Variants in RAG1 observed in about 807,000 individuals in gnomAD.
RAG1 encodes the protein V(D)J recombination-activating protein 1.
RAG1 carries 35 observed loss-of-function variants against 62.7 expected under a neutral mutation model. The ratio of observed to expected loss-of-function variants is 0.56; its 90% CI spans 0.43 to 0.74. The LOEUF is 0.74. RAG1 is among the 30% of genes least tolerant of loss of function. RAG1 has a pLI of 0.00. For synonymous variants in RAG1, 461 were observed against 470.3 expected (o/e 0.98, Z 0.26); for missense variants, 1,169 against 1,278.6 (o/e 0.91, Z 1.31).
chr11:36,519,808 G>A (rs147744462), intron 1 of RAG1, among the ~76,000 whole-genome samples: 268 of 151,788 alleles, frequency 1.8e-3, no homozygotes, highest in Non-Finnish European at 3.3e-3. Flanking sequence ...ACCCCTCCAC[G>A]CCCTCCCACC....
chr11:36,533,046 C>A (rs188113256), intron 2 of RAG1, among the ~76,000 whole-genome samples: 1 of 152,006 alleles, frequency 6.6e-6, no homozygotes, highest in Admixed American at 6.5e-5. Flanking sequence ...CTTTTTTTCA[C>A]GTGTAGTTCT....
At position 36,575,389 on chromosome 11, in the gene RAG1, A is replaced by C. The variant is rs1564989588; in HGVS notation, c.2085A>C (p.Gly695=). ...GCAGTGAATTAATGCTTGAGCTGGG[A>C]GGCATTCTCCGGACTTTCAAGTTCA... ...MKSSELMLEL[G]GILRTFKFIF... is the part of the protein sequence containing the mutation. Residue 695 remains glycine (G), a synonymous_variant, in exon 2 of 2, where the codon GGA becomes GGC. Coordinates refer to ENST00000299440, the MANE Select transcript of RAG1 (RefSeq NM_000448.3). The surrounding 1 kb of genome is among the most constrained non-coding windows in gnomAD (Gnocchi z 4.1). 6.2e-7 allele frequency: 1 copy of C among 1,613,882 alleles called. No homozygotes were observed. The highest frequency in any genetic ancestry group is 8.5e-7 in the Non-Finnish European group (1 of 1,179,790).
chr11:36,543,581 T>C (rs1850347160), intron 3 of RAG1, among the ~76,000 whole-genome samples: 1 of 152,238 alleles, frequency 6.6e-6, no homozygotes, highest in Non-Finnish European at 1.5e-5. Flanking sequence ...CAGGGGCCCT[T>C]CTTGGAGGCA....
chr11:36,567,449 C>T (rs909593584), upstream of RAG1: 1 of 152,110 alleles, frequency 6.6e-6, no homozygotes, highest in Non-Finnish European at 1.5e-5. Context: ...TGTCCATACT[C>T]GAGTAATGTT....
chr11:36,573,706 T>TG lies in RAG1; in HGVS notation c.404dup (p.Lys136Ter). 1.2e-6 allele frequency: 2 copies of TG among 1,614,114 alleles called. No individual in the cohort carries two copies. Among genetic ancestry groups the TG allele is most frequent in the Non-Finnish European group, 1.7e-6 (2 of 1,180,040 alleles). On this transcript the variant is annotated frameshift_variant, in exon 2 of 2. Transcript: ENST00000299440. LOFTEE classifies it high-confidence loss of function. ...GATATCCAGTCCATGGTCCTGTGGATGGTAAAACCCTAGGCCTTTTACGAA... is the reference window on the plus strand; with the variant it reads ...GATATCCAGTCCATGGTCCTGTGGATGGGTAAAACCCTAGGCCTTTTACGAA...
rs1306019913 is a variant in RAG1, at chr11:36,579,208, CAG to C, written c.*2775_*2776del. ...AGTGTGGGTCTTGCATTACATCAAA[CAG>C]AGTTCAAATTCCACACAGATAAGAG... On this transcript the variant is annotated 3_prime_UTR_variant, in exon 2 of 2. Transcript: ENST00000299440. 4.8e-5 allele frequency: 8 copies of C among 166,986 alleles called. No individual in the cohort carries two copies. The highest frequency in any genetic ancestry group is 1.7e-4 in the African/African-American group (7 of 41,426). 10.3% of individuals were successfully genotyped at this position (166,986 alleles called of 1,614,324 possible). A position where few individuals can be genotyped will look rare whatever the true frequency, so the allele number is the denominator to read the frequency against.
chr11:36,516,486 G>T (rs1368429793), intron 1 of RAG1, among the ~76,000 whole-genome samples: 3 of 152,128 alleles, frequency 2.0e-5, no homozygotes, highest in Non-Finnish European at 4.4e-5. Context: ...CACGCCTGGA[G>T]AATTTTTTTG....
At chr11:36,567,340 A>G (rs1377537685), upstream of RAG1, 2 of 152,244 alleles carry the variant, frequency 1.3e-5, no homozygotes, top group Non-Finnish European at 2.9e-5. Flanking sequence ...ATGGGGACTA[A>G]TATTATTAAT....
intron 2 of RAG1, among the ~76,000 whole-genome samples, chr11:36,520,436 TTTTTTGTA>T (rs1860060975): frequency 1.3e-5 from 2 of 152,050 alleles, no homozygotes; most frequent in African/African-American, 4.8e-5. Flanking sequence ...GCCCAGCTAA[TTTTTTGTA>T]TTTTTGTATT....
intron 1 of RAG1, among the ~76,000 whole-genome samples, chr11:36,515,189 A>C (rs773792719): frequency 6.6e-6 from 1 of 152,194 alleles, no homozygotes; most frequent in Non-Finnish European, 1.5e-5. Context: ...GAGAGTCAGA[A>C]TCTTTCTTGT....
chr11:36,518,797 G>C (rs1309206972), intron 1 of RAG1, among the ~76,000 whole-genome samples: 1 of 152,166 alleles, frequency 6.6e-6, no homozygotes, highest in East Asian at 1.9e-4. Context: ...TAGGTTGCCT[G>C]TTCACTCTGA....
chr11:36,564,100 T>G (rs1226431332), upstream of RAG1, among the ~76,000 whole-genome samples: 1 of 152,238 alleles, frequency 6.6e-6, no homozygotes, highest in Non-Finnish European at 1.5e-5. Context: ...AGCAATCTTA[T>G]ACACCGGCCT....
chr11:36,512,220 T>G (rs2133687506), intron 1 of RAG1, among the ~76,000 whole-genome samples: 2 of 152,308 alleles, frequency 1.3e-5, no homozygotes, highest in Admixed American at 1.3e-4. Context: ...ATGCATATCA[T>G]TCCTAGGTCA....
At chr11:36,561,500 T>C (rs1850582858) in intron 3 of RAG1, among the ~76,000 whole-genome samples, 1 of 152,224 alleles carries the variant, frequency 6.6e-6, no homozygotes, top group African/African-American at 2.4e-5. Flanking sequence ...TGCTGAGATA[T>C]TTGGCTAAAC....
In RAG1 at chr11:36,578,667, C is replaced by T. The variant is rs1850888337; in HGVS notation, c.*2231C>T. 1.2e-5 allele frequency: 2 copies of T among 167,044 alleles called. No homozygotes were observed. Among genetic ancestry groups the T allele is most frequent in the Non-Finnish European group, 2.9e-5 (2 of 68,114 alleles). 10.3% of individuals were successfully genotyped at this position (167,044 alleles called of 1,614,324 possible). A position where few individuals can be genotyped will look rare whatever the true frequency, so the allele number is the denominator to read the frequency against. The stretch of plus-strand genomic sequence containing the variant: ...TATAGCACAACCTTTCCAATAATCC[C>T]TTAATCAGATCACATTTTGATAAAC... On this transcript the variant is annotated 3_prime_UTR_variant, in exon 2 of 2. Coordinates refer to ENST00000299440, the MANE Select transcript of RAG1 (RefSeq NM_000448.3).
upstream of RAG1, among the ~76,000 whole-genome samples, chr11:36,564,771 C>T (rs1002137959): frequency 1.3e-5 from 2 of 152,202 alleles, no homozygotes; most frequent in Non-Finnish European, 2.9e-5. Context: ...GCTGTCTCTC[C>T]GCCGCCAGTG....
intron 1 of RAG1, among the ~76,000 whole-genome samples, chr11:36,571,577 C>A (rs1452057817): frequency 6.6e-6 from 1 of 152,120 alleles, no homozygotes; most frequent in Non-Finnish European, 1.5e-5. Context: ...CTCTGTGAAT[C>A]AAGTCTTAGA....
intron 1 of RAG1, among the ~76,000 whole-genome samples, chr11:36,518,231 A>C (rs1393250046): frequency 6.6e-6 from 1 of 151,934 alleles, no homozygotes; most frequent in African/African-American, 2.4e-5. Context: ...TTCTTAATCT[A>C]GTCTATCATT....
chr11:36,558,000 T>G (rs1850527956), intron 3 of RAG1, among the ~76,000 whole-genome samples: 2 of 152,230 alleles, frequency 1.3e-5, no homozygotes, highest in African/African-American at 4.8e-5. Flanking sequence ...TAATGTTTAT[T>G]AAATACCTAC....
Sources: gnomAD v4.1 joint callset for allele counts (sites outside exome capture counted in the v4.1 genomes callset) on GRCh38, gnomAD v4.1.1 for gene constraint, Gnocchi (gnomAD v3.1) non-coding constraint, MANE v1.5 for transcripts, NCBI Gene and HGNC (gene_info 2026-07-23, HGNC 2026-07-21) for gene names.